NCKAP5: variants seen among roughly 807,000 people sequenced by gnomAD.
NCKAP5 encodes nck-associated protein 5.
NCKAP5 carries 92 observed loss-of-function variants against 167.0 expected under a neutral mutation model. That is an observed-to-expected ratio of 0.55 (90% CI 0.47 to 0.66). NCKAP5 has a LOEUF of 0.66. Among genes scored for constraint, NCKAP5 ranks in the 30% least tolerant of loss-of-function variants. NCKAP5 has a pLI of 0.00. For synonymous variants in NCKAP5, 891 were observed against 877.4 expected, an observed-to-expected ratio of 1.02 and a Z score of -0.27; for missense variants, 2,378 against 2,315.0, an observed-to-expected ratio of 1.03 and a Z score of -0.56.
At chr2:132,780,952 C>G in intron 15 of NCKAP5, 100 bp downstream of exon 15, 1 of 1,187,502 alleles carries the variant, frequency 8.4e-7, no homozygotes, top group Non-Finnish European at 1.2e-6. Flanking sequence ...CCCCCAGTTG[C>G]AATCTCTTAC....
At chr2:133,622,776 A>G in the NCKAP5 span, among the ~76,000 whole-genome samples, 1 of 152,112 alleles carries the variant, frequency 6.6e-6, no homozygotes, top group Non-Finnish European at 1.5e-5. Flanking sequence ...TGACAATACC[A>G]TCAGTCTTCA....
At chr2:133,509,628 G>A (rs1683308902) in intron 3 of NCKAP5, among the ~76,000 whole-genome samples, 1 of 152,212 alleles carries the variant, frequency 6.6e-6, no homozygotes, top group Non-Finnish European at 1.5e-5. Flanking sequence ...CATGCCCTCA[G>A]GAAACCTACA....
At chr2:132,901,147 G>C (rs2148911058) in intron 8 of NCKAP5, among the ~76,000 whole-genome samples, 1 of 152,186 alleles carries the variant, frequency 6.6e-6, no homozygotes, top group Admixed American at 6.5e-5. Flanking sequence ...GGTATTAAGT[G>C]AATCAATTTT....
intron 8 of NCKAP5, among the ~76,000 whole-genome samples, chr2:132,956,712 G>T (rs765301875): frequency 6.6e-6 from 1 of 151,924 alleles, no homozygotes; most frequent in Non-Finnish European, 1.5e-5. Context: ...TTTCCTCCAC[G>T]CCCACTCCCA....
At chr2:133,583,101 A>C in the NCKAP5 span, among the ~76,000 whole-genome samples, 1 of 150,780 alleles carries the variant, frequency 6.6e-6, no homozygotes, top group Admixed American at 6.6e-5. Context: ...TCAAAAGGAA[A>C]TAAATAGACC....
chr2:132,921,854 C>G (rs759961332), intron 8 of NCKAP5, among the ~76,000 whole-genome samples: 7 of 152,148 alleles, frequency 4.6e-5, no homozygotes, highest in African/African-American at 1.7e-4. Context: ...GCAGGTTTGG[C>G]CATTCGGTGC....
At chr2:132,892,441 T>A (rs1692786029) in intron 8 of NCKAP5, among the ~76,000 whole-genome samples, 1 of 152,166 alleles carries the variant, frequency 6.6e-6, no homozygotes, top group African/African-American at 2.4e-5. Flanking sequence ...CACCACCAGA[T>A]GTGCTTTCAG....
chr2:133,546,018 T>C (rs1207901585), intron 2 of NCKAP5, among the ~76,000 whole-genome samples: 1 of 152,192 alleles, frequency 6.6e-6, no homozygotes. Context: ...AGTCTGGTTT[T>C]GTCTAACTGA....
At position 132,728,976 on chromosome 2, in the gene NCKAP5, A is replaced by G. The variant is rs369416334; in HGVS notation, c.5444-24T>C. On this transcript the variant is annotated intron_variant, in intron 17 of 19. Transcript: ENST00000409261. ...TCCTAAATGAGGACACGTATGTGGA[A>G]TCACATATCACCTTTCATCAACATT... The G allele has an allele frequency of 1.9e-5, 30 of 1,612,722 alleles. No homozygotes were observed. In the African/African-American group the frequency reaches 2.1e-4, roughly 11 times the overall value.
intron 1 of NCKAP5, among the ~76,000 whole-genome samples, chr2:133,559,356 T>A (rs1412227873): frequency 6.6e-6 from 1 of 152,206 alleles, no homozygotes; most frequent in African/African-American, 2.4e-5. Flanking sequence ...TTTTTAAGAA[T>A]CTCACAGCCT....
intron 4 of NCKAP5, among the ~76,000 whole-genome samples, chr2:133,296,771 G>C (rs918688682): frequency 6.6e-6 from 1 of 152,118 alleles, no homozygotes; most frequent in Non-Finnish European, 1.5e-5. Flanking sequence ...CCAGACAAGA[G>C]TCCAAGTCCC....
chr2:133,408,392 T>C (rs77354264), intron 3 of NCKAP5, among the ~76,000 whole-genome samples: 2,058 of 152,312 alleles, frequency 0.014, 58 homozygotes, highest in African/African-American at 0.046. Context: ...ATAGTATACT[T>C]ATATGGTCCC....
intron 7 of NCKAP5, among the ~76,000 whole-genome samples, chr2:132,968,049 A>T (rs2076722562): frequency 6.6e-6 from 1 of 152,168 alleles, no homozygotes; most frequent in African/African-American, 2.4e-5. Context: ...CTTGCTGGCC[A>T]GCTGAGGGAG....
chr2:133,183,345 T>C (rs972231365), intron 5 of NCKAP5, among the ~76,000 whole-genome samples: 17 of 152,098 alleles, frequency 1.1e-4, no homozygotes, highest in Non-Finnish European at 2.4e-4. Flanking sequence ...TAAATGTTAA[T>C]GCAAAACTCA....
intron 7 of NCKAP5, among the ~76,000 whole-genome samples, chr2:132,988,359 G>T (rs2077351423): frequency 6.6e-6 from 1 of 151,786 alleles, no homozygotes; most frequent in Non-Finnish European, 1.5e-5. Context: ...CTACTTGGGA[G>T]GCTGAGGCAG....
At chr2:132,935,548 G>C (rs997493881) in intron 8 of NCKAP5, among the ~76,000 whole-genome samples, 1 of 152,144 alleles carries the variant, frequency 6.6e-6, no homozygotes, top group Non-Finnish European at 1.5e-5. Context: ...AAAAGCAAAG[G>C]GGTAGGAAAA....
chr2:133,053,768 A>C (rs1382751460), intron 6 of NCKAP5, among the ~76,000 whole-genome samples: 1 of 152,196 alleles, frequency 6.6e-6, no homozygotes, highest in Admixed American at 6.5e-5. Flanking sequence ...TTTAGTTACT[A>C]AGGAAACACT....
chr2:133,213,645 T>C, intron 5 of NCKAP5, 71 bp downstream of exon 5: 5 of 1,485,128 alleles, frequency 3.4e-6, no homozygotes, highest in South Asian at 1.2e-5. Context: ...ATATCCTTAA[T>C]GAGGCAAAGT....
intron 3 of NCKAP5, among the ~76,000 whole-genome samples, chr2:133,319,084 G>A (rs997834008): frequency 1.3e-5 from 2 of 151,928 alleles, no homozygotes; most frequent in Non-Finnish European, 2.9e-5. Context: ...CCTTAAGAAC[G>A]ACTCTTCAAT....
Sources: allele counts gnomAD v4.1 joint callset (sites outside exome capture counted in the v4.1 genomes callset), GRCh38; gene constraint gnomAD v4.1.1; transcripts MANE v1.5; gene names NCBI Gene and HGNC (gene_info 2026-07-23, HGNC 2026-07-21).